Variants in TCF12 observed in about 807,000 individuals in gnomAD.
The protein encoded by TCF12 is transcription factor 12, also known as DNA-binding protein HTF4.
TCF12 carries 45 observed loss-of-function variants against 86.0 expected under a neutral mutation model. The observed-to-expected ratio is 0.52, with a 90% CI of 0.41 to 0.67. TCF12 has a LOEUF of 0.67. TCF12 is among the 30% of genes least tolerant of loss of function. TCF12 has a pLI of 0.00. For missense variants in TCF12, 881 were observed against 859.9 expected (o/e 1.02, Z -0.31); for synonymous variants, 330 against 299.6 (o/e 1.10, Z -1.05).
chr15:57,211,492 G>C (rs1180447441), intron 8 of TCF12, among the ~76,000 whole-genome samples: 3 of 152,208 alleles, frequency 2.0e-5, no homozygotes, highest in Non-Finnish European at 2.9e-5. Context: ...TAGCCTTTTA[G>C]ATACTTCATT....
chr15:57,184,453 C>T (rs566150495), intron 6 of TCF12, among the ~76,000 whole-genome samples: 1 of 152,148 alleles, frequency 6.6e-6, no homozygotes, highest in Non-Finnish European at 1.5e-5. Flanking sequence ...ACACACATCC[C>T]TCCTTCTGAT....
At chr15:56,936,483 A>G (rs2060475470) in intron 3 of TCF12, among the ~76,000 whole-genome samples, 1 of 152,166 alleles carries the variant, frequency 6.6e-6, no homozygotes, top group Non-Finnish European at 1.5e-5. Context: ...CTTCAGTTTA[A>G]TTAAGAGCTA....
intron 5 of TCF12, among the ~76,000 whole-genome samples, chr15:57,132,087 G>A (rs1447941526): frequency 6.6e-6 from 1 of 152,076 alleles, no homozygotes; most frequent in Admixed American, 6.6e-5. Context: ...GGAATTCCAG[G>A]TAGTAGTGAG....
chr15:57,254,602 T>C (rs1278968442), intron 16 of TCF12, among the ~76,000 whole-genome samples: 1 of 152,140 alleles, frequency 6.6e-6, no homozygotes, highest in African/African-American at 2.4e-5. Flanking sequence ...GGCTCACACC[T>C]GTAATCTCAG....
chr15:57,143,142 A>G (rs569791940), intron 5 of TCF12, among the ~76,000 whole-genome samples: 3 of 143,962 alleles, frequency 2.1e-5, no homozygotes, highest in East Asian at 2.0e-4. Flanking sequence ...ATATACACCT[A>G]TTACGTGCCC....
intron 3 of TCF12, among the ~76,000 whole-genome samples, chr15:56,991,498 T>C (rs1229724151): frequency 6.6e-6 from 1 of 152,236 alleles, no homozygotes; most frequent in Non-Finnish European, 1.5e-5. Context: ...TCAGAAAATC[T>C]AATTGTTTGA....
At chr15:57,260,045 C>T (rs1166474932) in intron 16 of TCF12, among the ~76,000 whole-genome samples, 2 of 152,036 alleles carry the variant, frequency 1.3e-5, no homozygotes, top group African/African-American at 4.8e-5. Context: ...TAGTCTGAGG[C>T]CATTTTTTTA....
chr15:57,013,439 T>A (rs1221521134), intron 3 of TCF12, among the ~76,000 whole-genome samples: 1 of 152,144 alleles, frequency 6.6e-6, no homozygotes, highest in Non-Finnish European at 1.5e-5. Flanking sequence ...GCCTCCCAAG[T>A]GGCTGAGATT....
chr15:57,264,772 C>T (rs1424933939), intron 18 of TCF12, among the ~76,000 whole-genome samples: 1 of 152,112 alleles, frequency 6.6e-6, no homozygotes, highest in South Asian at 2.1e-4. Context: ...TCTTGTCGCC[C>T]AGGCTGGGGT....
At chr15:57,173,956 T>C (rs1184480138) in intron 6 of TCF12, among the ~76,000 whole-genome samples, 2 of 152,136 alleles carry the variant, frequency 1.3e-5, no homozygotes, top group African/African-American at 4.8e-5. Context: ...TCCCCCCGCC[T>C]CAGCCTCTCA....
intron 3 of TCF12, among the ~76,000 whole-genome samples, chr15:57,034,337 C>T (rs114748846): frequency 0.011 from 1,655 of 152,058 alleles, 32 homozygotes; most frequent in African/African-American, 0.037. Flanking sequence ...TTTTTCACTA[C>T]GCTTGACCAC....
chr15:57,087,046 CCTCT>C (rs1179115888), intron 4 of TCF12, among the ~76,000 whole-genome samples: 1 of 146,648 alleles, frequency 6.8e-6, no homozygotes, highest in Non-Finnish European at 1.5e-5. Context: ...CCTCTCTCTC[CCTCT>C]GTCTCCCTCT....
At chr15:57,178,034 G>A (rs373445203) in intron 6 of TCF12, among the ~76,000 whole-genome samples, 3 of 152,076 alleles carry the variant, frequency 2.0e-5, no homozygotes, top group Admixed American at 6.5e-5. Flanking sequence ...TTATTCTTTC[G>A]TAAACTTATT....
intron 3 of TCF12, among the ~76,000 whole-genome samples, chr15:57,059,204 G>A (rs1161087944): frequency 3.9e-5 from 6 of 152,186 alleles, no homozygotes; most frequent in African/African-American, 1.4e-4. Flanking sequence ...ACTAAAGGCA[G>A]AGTGCACATG....
At chr15:57,201,635 C>T (rs979425119) in intron 8 of TCF12, among the ~76,000 whole-genome samples, 15 of 152,080 alleles carry the variant, frequency 9.9e-5, no homozygotes, top group Non-Finnish European at 2.1e-4. Context: ...GATAAGTTGT[C>T]ATAGCAGTCT....
chr15:57,232,887 A>G (rs1164554142), intron 11 of TCF12, 31 bp downstream of exon 11: 9 of 1,504,454 alleles, frequency 6.0e-6, no homozygotes, highest in Non-Finnish European at 5.3e-6. Flanking sequence ...AAACTTCCTA[A>G]AAGTTTGTGG....
At chr15:56,997,491 A>C (rs77586306) in intron 3 of TCF12, among the ~76,000 whole-genome samples, 4,514 of 152,250 alleles carry the variant, frequency 0.03, 223 homozygotes, top group African/African-American at 0.1. Context: ...GAAAGGAGTA[A>C]GGGTTGAAAA....
chr15:57,148,032 C>T (rs1197832851), intron 5 of TCF12, among the ~76,000 whole-genome samples: 2 of 151,770 alleles, frequency 1.3e-5, no homozygotes, highest in South Asian at 2.1e-4. Flanking sequence ...GTGCACGTCA[C>T]CATGCCCTGC....
intron 4 of TCF12, among the ~76,000 whole-genome samples, chr15:57,075,800 T>TCCCTCTCTCTC (rs1567370475): frequency 4.9e-5 from 1 of 20,486 alleles, no homozygotes; most frequent in African/African-American, 1.5e-4. Flanking sequence ...CTTTCTTTCT[T>TCCCTCTCTCTC]TCTTTCTCTC....
Sources: gnomAD v4.1 joint callset for allele counts (sites outside exome capture counted in the v4.1 genomes callset) on GRCh38, gnomAD v4.1.1 for gene constraint, MANE v1.5 for transcripts, NCBI Gene and HGNC (gene_info 2026-07-23, HGNC 2026-07-21) for gene names.